Variants in HGSNAT observed in about 807,000 individuals in gnomAD.
HGSNAT encodes transmembrane protein 76.
HGSNAT carries 59 observed loss-of-function variants against 85.2 expected under a neutral mutation model. That is an observed-to-expected ratio of 0.69 (90% confidence interval 0.56 to 0.86). The LOEUF is 0.86. Ranked by LOEUF, HGSNAT falls within the 40% of genes least tolerant of loss-of-function variation. The pLI, the probability that HGSNAT is intolerant of heterozygous loss-of-function variation, is 0.00. For synonymous variants in HGSNAT, 321 were observed against 304.5 expected, an observed-to-expected ratio of 1.05 and a Z score of -0.56; for missense variants, 756 against 777.1, an observed-to-expected ratio of 0.97 and a Z score of 0.32.
chr8:43,155,130 A>G (rs1027246749), intron 2 of HGSNAT, among the ~76,000 whole-genome samples: 1 of 152,088 alleles, frequency 6.6e-6, no homozygotes, highest in Non-Finnish European at 1.5e-5. Context: ...TGGTAGTTCT[A>G]TTTTAATTTT....
Position 43,170,654 on chromosome 8 carries a change from G to T in HGSNAT, c.703G>T (p.Ala235Ser), listed in dbSNP as rs939467064. 3 of 1,608,062 alleles carry T rather than the reference G, an allele frequency of 1.9e-6. No homozygotes were observed. In the African/African-American group the frequency reaches 4.0e-5, roughly 21 times the overall value. ...TCAGCCAGCAACGTGGCGTCTATCT[G>T]CCCTGCCGCCCCGCCTCCGCAGCGT... ...DVQPATWRLSALPPRLRSVDT... is the reference protein window; with the variant it reads ...DVQPATWRLSSLPPRLRSVDT... The change falls in exon 7 of 18, where the codon GCC becomes TCC. Residue 235 changes from alanine (A) to serine (S), a missense_variant. Ala to Ser is a moderately conservative substitution (Grantham distance 99, BLOSUM62 1). Transcript: ENST00000379644.
In HGSNAT at chr8:43,172,337, C is replaced by T; in HGVS notation, c.771C>T (p.Val257=). Residue 257 remains valine (V), a synonymous_variant, in exon 8 of 18, where the codon GTC becomes GTT. Coordinates refer to ENST00000379644, the MANE Select transcript of HGSNAT (RefSeq NM_152419.3). ...RGIALILMVF[V]NYGGGKYWYF... is the part of the protein sequence containing the mutation. ...TTGCTCTTATACTCATGGTCTTTGT[C>T]AATTATGGAGGAGGAAAATATTGGT... 2 of 1,612,016 alleles carry T rather than the reference C, an allele frequency of 1.2e-6. No individual in the cohort carries two copies. The highest frequency in any genetic ancestry group is 8.5e-7 in the Non-Finnish European group (1 of 1,178,144).
chr8:43,167,519 G>C (rs1279242063), intron 5 of HGSNAT, among the ~76,000 whole-genome samples: 1 of 152,140 alleles, frequency 6.6e-6, no homozygotes, highest in Non-Finnish European at 1.5e-5. Flanking sequence ...TTTAAATTAA[G>C]GTATGTAAAC....
rs1383707428 is a variant in HGSNAT at position 43,159,021 on chromosome 8, A to G, written c.470A>G (p.Glu157Gly). Residue 157 changes from glutamate to glycine, a missense_variant, in exon 4 of 18, where the codon GAG becomes GGG. Coordinates refer to ENST00000379644, the MANE Select transcript of HGSNAT (RefSeq NM_152419.3). ...ATTGCCTGTGACCTGGCTGTGAACG[A>G]GGATCCAGTTGATAGTAACCTTCGT... ...SEIACDLAVN[E>G]DPVDSNLPVS... 1 of 1,613,786 alleles carries G rather than the reference A, an allele frequency of 6.2e-7. No individual in the cohort carries two copies. Among genetic ancestry groups the G allele is most frequent in the South Asian group, 1.1e-5 (1 of 91,062 alleles).
chr8:43,198,402 C>T (rs1251431636), intron 17 of HGSNAT, among the ~76,000 whole-genome samples: 1 of 151,388 alleles, frequency 6.6e-6, no homozygotes, highest in African/African-American at 2.4e-5. Flanking sequence ...ATTCTCCTGC[C>T]TCAGCCTCCT....
chr8:43,192,538 T>C (rs1804575679), intron 13 of HGSNAT, 108 bp downstream of exon 13: 4 of 1,168,910 alleles, frequency 3.4e-6, no homozygotes, highest in African/African-American at 3.1e-5. Context: ...GAAAACACAC[T>C]GAGAACTGAT....
At chr8:43,199,087 G>T (rs1804830844) in intron 17 of HGSNAT, among the ~76,000 whole-genome samples, 1 of 152,130 alleles carries the variant, frequency 6.6e-6, no homozygotes, top group Non-Finnish European at 1.5e-5. Context: ...TTTTAGTAGA[G>T]ACGGGGTTTC....
chr8:43,199,139 G>A (rs928876826), intron 17 of HGSNAT, among the ~76,000 whole-genome samples: 4 of 152,278 alleles, frequency 2.6e-5, no homozygotes, highest in Middle Eastern at 3.4e-3. Context: ...GGCCTTAAGC[G>A]ATCCACCCGC....
At chr8:43,150,020 G>T (rs1311791987) in intron 2 of HGSNAT, among the ~76,000 whole-genome samples, 2 of 151,954 alleles carry the variant, frequency 1.3e-5, no homozygotes, top group African/African-American at 2.4e-5. Context: ...GCAGTGGCAC[G>T]ATCTCACCTC....
intron 12 of HGSNAT, 79 bp downstream of exon 12, chr8:43,191,674 G>A: frequency 4.6e-6 from 7 of 1,522,154 alleles, no homozygotes; most frequent in South Asian, 3.5e-5. Context: ...CACAGGTCTC[G>A]AGTCAGAGGA....
At chr8:43,180,087 C>T (rs1219908103) in intron 10 of HGSNAT, among the ~76,000 whole-genome samples, 1 of 58,934 alleles carries the variant, frequency 1.7e-5, no homozygotes, top group Non-Finnish European at 3.6e-5. Flanking sequence ...CCCTCCCGGA[C>T]GGGGCGGCTG....
At chr8:43,195,174 A>G (rs1046635594) in intron 14 of HGSNAT, among the ~76,000 whole-genome samples, 3 of 151,988 alleles carry the variant, frequency 2.0e-5, no homozygotes, top group African/African-American at 7.3e-5. Flanking sequence ...ACCCTGGAAC[A>G]CCTCGGGGCA....
intron 11 of HGSNAT, among the ~76,000 whole-genome samples, chr8:43,183,398 C>A (rs1470326033): frequency 2.0e-5 from 3 of 151,758 alleles, no homozygotes; most frequent in Non-Finnish European, 4.4e-5. Flanking sequence ...AACTCCTGGG[C>A]TCAAGTGATT....
chr8:43,157,798 CAAAA>C (rs1484073260), intron 2 of HGSNAT, among the ~76,000 whole-genome samples: 1 of 151,812 alleles, frequency 6.6e-6, no homozygotes, highest in African/African-American at 2.4e-5. Flanking sequence ...TAAAACAAAA[CAAAA>C]AAGTAATAAG....
rs138993340 is a variant in HGSNAT, at chr8:43,143,545, T to C, written c.118+2931T>C. Among the ~76,000 whole-genome samples the C allele has an allele frequency of 9.3e-3, 1,410 of 151,550 alleles. 22 individuals carry two copies. The highest frequency in any genetic ancestry group is 0.032 in the African/African-American group (1,320 of 41,358). Reference sequence around the variant, plus strand: ...CCAGGAGCTATTTCTTTCTTTCTTTTTTTTTTTTTTGAGACAGAGTCTCGC... The same window carrying C: ...CCAGGAGCTATTTCTTTCTTTCTTTCTTTTTTTTTTGAGACAGAGTCTCGC... On this transcript the variant is annotated intron_variant, in intron 1 of 17. Transcript: ENST00000379644.
chr8:43,147,506 T>G (rs1802756343), intron 2 of HGSNAT, among the ~76,000 whole-genome samples: 1 of 152,204 alleles, frequency 6.6e-6, no homozygotes, highest in South Asian at 2.1e-4. Flanking sequence ...ATTCTAGACC[T>G]TGTTGCTTTT....
At chr8:43,149,218 TATGTC>T (rs1295568304) in intron 2 of HGSNAT, among the ~76,000 whole-genome samples, 1 of 152,048 alleles carries the variant, frequency 6.6e-6, no homozygotes, top group Non-Finnish European at 1.5e-5. Flanking sequence ...TGGAGATAAT[TATGTC>T]AGGAAAATGT....
intron 14 of HGSNAT, chr8:43,196,282 T>C (rs1195379363): frequency 8.3e-6 from 3 of 360,176 alleles, no homozygotes; most frequent in Non-Finnish European, 1.6e-5. Flanking sequence ...AAATTATTTT[T>C]AAAGCTTCTC....
intron 11 of HGSNAT, among the ~76,000 whole-genome samples, chr8:43,185,550 G>A (rs1040732600): frequency 9.2e-5 from 14 of 152,100 alleles, no homozygotes; most frequent in Admixed American, 8.5e-4. Context: ...GAGATGATGG[G>A]GTTTTCTAAA....
Sources: gnomAD v4.1 joint callset for allele counts (sites outside exome capture counted in the v4.1 genomes callset) on GRCh38, gnomAD v4.1.1 for gene constraint, MANE v1.5 for transcripts, NCBI Gene and HGNC (gene_info 2026-07-23, HGNC 2026-07-21) for gene names.